CNBP: variants seen among roughly 807,000 people sequenced by gnomAD.
CNBP encodes CCHC-type zinc finger nucleic acid binding protein.
CNBP carries 6 observed loss-of-function variants against 21.2 expected under a neutral mutation model. The observed-to-expected ratio is 0.28, with a 90% CI of 0.16 to 0.56. The LOEUF (loss-of-function observed/expected upper bound fraction) is 0.56, where lower values mean the gene tolerates loss of function less well. Ranked by LOEUF, CNBP falls within the 20% of genes least tolerant of loss-of-function variation. The pLI is 0.93. For missense variants in CNBP, 112 were observed against 233.1 expected, an observed-to-expected ratio of 0.48 and a Z score of 3.38; for synonymous variants, 61 against 74.9, an observed-to-expected ratio of 0.81 and a Z score of 0.96.
At position 129,168,718 on chromosome 3, in the gene CNBP, T is replaced by C. The variant is rs544705169; in HGVS notation, c.*1735A>G. Among the ~76,000 whole-genome samples, 68 of 149,772 alleles carry C rather than the reference T, an allele frequency of 4.5e-4. No homozygotes were observed. Among genetic ancestry groups the C allele is most frequent in the Middle Eastern group, 3.5e-3 (1 of 282 alleles). On this transcript the variant is annotated 3_prime_UTR_variant, in exon 5 of 5. Transcript: ENST00000422453. ...GGCTCGCACCTGTAACACTAGCACT[T>C]TGGGGGGCGGGGCAGGTGGATCACC...
intron 1 of CNBP, among the ~76,000 whole-genome samples, chr3:129,179,519 C>T (rs1938146384): frequency 6.6e-6 from 1 of 152,126 alleles, no homozygotes. Flanking sequence ...GTAAACATAT[C>T]TATAATCTTA....
intron 1 of CNBP, among the ~76,000 whole-genome samples, chr3:129,176,345 C>T (rs1439794274): frequency 6.6e-6 from 1 of 152,216 alleles, no homozygotes; most frequent in Non-Finnish European, 1.5e-5. Context: ...CAGCCTGGAA[C>T]TACCCTCCCT....
At chr3:129,178,900 G>C (rs900132927) in intron 1 of CNBP, among the ~76,000 whole-genome samples, 1 of 151,924 alleles carries the variant, frequency 6.6e-6, no homozygotes, top group African/African-American at 2.4e-5. Flanking sequence ...CCACCACGAC[G>C]CCTGGCTACT....
intron 1 of CNBP, among the ~76,000 whole-genome samples, chr3:129,180,161 C>A (rs760041598): frequency 6.6e-6 from 1 of 151,062 alleles, no homozygotes; most frequent in African/African-American, 2.4e-5. Context: ...GGTATTACTA[C>A]TATATATCTA....
intron 1 of CNBP, among the ~76,000 whole-genome samples, chr3:129,179,566 T>C (rs1200514111): frequency 6.6e-6 from 1 of 152,122 alleles, no homozygotes; most frequent in Non-Finnish European, 1.5e-5. Context: ...TCCATTTTAA[T>C]GACAAACTAA....
At chr3:129,171,815 T>C (rs1937574436) in intron 1 of CNBP, 44 bp from the exon 2 acceptor site, 2 of 1,563,166 alleles carry the variant, frequency 1.3e-6, no homozygotes, top group African/African-American at 1.4e-5. Flanking sequence ...CTGAAAGTTC[T>C]TTTAACTTTT....
At chr3:129,172,660 A>AGGCAGCCAGG in intron 1 of CNBP, among the ~76,000 whole-genome samples, 1 of 113,772 alleles carries the variant, frequency 8.8e-6, no homozygotes, top group African/African-American at 3.4e-5. Flanking sequence ...AGGCAGGCAG[A>AGGCAGCCAGG]CAGACAGACA....
In CNBP at chr3:129,169,948, T is replaced by G. The variant is rs1034235205; in HGVS notation, c.*505A>C. 4.3e-6 allele frequency: 1 copy of G among 232,572 alleles called. No homozygotes were observed. Among genetic ancestry groups the G allele is most frequent in the African/African-American group, 2.2e-5 (1 of 45,230 alleles). 14.4% of individuals were successfully genotyped at this position (232,572 alleles called of 1,614,324 possible). On this transcript the variant is annotated 3_prime_UTR_variant, in exon 5 of 5. Transcript: ENST00000422453. ...TCTCTCGAACAGCCATTAACACGCA[T>G]GTTTATCTTTTTGTTTACTCCCACT...
intron 1 of CNBP, among the ~76,000 whole-genome samples, chr3:129,178,663 T>C (rs1449016992): frequency 2.0e-5 from 3 of 152,244 alleles, no homozygotes; most frequent in African/African-American, 7.2e-5. Flanking sequence ...ACTGGAGCTT[T>C]TGCCCTCTGA....
rs1398625074 is a variant in CNBP at position 129,171,424 on chromosome 3, AAAGG to A, written c.217+18_217+21del. On this transcript the variant is annotated intron_variant, in intron 3 of 4. Transcript: ENST00000422453. ...CTCTCCAAGCTCTAGAGGGGTATGA[AAAGG>A]AAGTGTTAAATACTTACCATCCTCC... 2 of 1,608,798 alleles carry A rather than the reference AAAGG, an allele frequency of 1.2e-6. No individual in the cohort carries two copies. The highest frequency in any genetic ancestry group is 1.7e-6 in the Non-Finnish European group (2 of 1,175,108).
chr3:129,183,883 A>G lies in CNBP; in HGVS notation c.-122T>C, dbSNP rs1367111382. 2 of 152,792 alleles carry G rather than the reference A, an allele frequency of 1.3e-5. No individual in the cohort carries two copies. Among genetic ancestry groups the G allele is most frequent in the Non-Finnish European group, 2.9e-5 (2 of 68,170 alleles). 9.5% of individuals were successfully genotyped at this position (152,792 alleles called of 1,614,324 possible). A position where few individuals can be genotyped will look rare whatever the true frequency, so the allele number is the denominator to read the frequency against. ...TTTTGAGGGTCCTTGCCTGCGCCAC[A>G]CGCGGGTCTGCACACGGCCCCACAT... On this transcript the variant is annotated 5_prime_UTR_variant, in exon 1 of 5. Coordinates refer to ENST00000422453, the MANE Select transcript of CNBP (RefSeq NM_003418.5).
intron 1 of CNBP, among the ~76,000 whole-genome samples, chr3:129,181,265 A>AAAAAAG (rs1938272054): frequency 7.8e-6 from 1 of 128,978 alleles, no homozygotes; most frequent in South Asian, 2.5e-4. Flanking sequence ...AAAAAAAAAA[A>AAAAAAG]AGACAAGTAG....
intron 1 of CNBP, among the ~76,000 whole-genome samples, chr3:129,182,797 A>T (rs1938393438): frequency 1.3e-5 from 2 of 152,146 alleles, no homozygotes; most frequent in Non-Finnish European, 2.9e-5. Flanking sequence ...AATGTAACAC[A>T]AGCAACTTAG....
intron 1 of CNBP, among the ~76,000 whole-genome samples, chr3:129,179,904 G>A (rs1175894985): frequency 1.3e-5 from 2 of 152,266 alleles, no homozygotes; most frequent in East Asian, 1.9e-4. Context: ...TACTCAGGAG[G>A]CTGAGGCAGG....
intron 1 of CNBP, among the ~76,000 whole-genome samples, chr3:129,174,363 A>AAC (rs1468544711): frequency 2.0e-5 from 3 of 148,044 alleles, no homozygotes; most frequent in Non-Finnish European, 4.5e-5. Flanking sequence ...AAAAAAAAAA[A>AAC]AAAAAAAAAA....
intron 1 of CNBP, 129 bp downstream of exon 1, chr3:129,183,647 G>A (rs1445561850): frequency 6.6e-6 from 1 of 152,524 alleles, no homozygotes; most frequent in Non-Finnish European, 1.5e-5. Context: ...CTTCCCGCCT[G>A]ACGCAGCAGA....
intron 1 of CNBP, among the ~76,000 whole-genome samples, chr3:129,181,859 C>T (rs1277462340): frequency 1.3e-5 from 2 of 151,902 alleles, no homozygotes; most frequent in Non-Finnish European, 2.9e-5. Flanking sequence ...TAATTCTGCC[C>T]TTGGGAATGT....
chr3:129,169,574 A>C lies in CNBP; in HGVS notation c.*879T>G. The stretch of plus-strand genomic sequence containing the variant: ...AAACAAACAAAAAGAACTTTAGTCA[A>C]ACTCCCCTTCCTCCTCCAGCTTTAT... On this transcript the variant is annotated 3_prime_UTR_variant, in exon 5 of 5. Transcript: ENST00000422453. 4.8e-6 allele frequency: 1 copy of C among 207,558 alleles called. No homozygotes were observed. 12.9% of individuals were successfully genotyped at this position (207,558 alleles called of 1,614,324 possible). A position where few individuals can be genotyped will look rare whatever the true frequency, so the allele number is the denominator to read the frequency against.
At chr3:129,178,710 G>T (rs1420487497) in intron 1 of CNBP, among the ~76,000 whole-genome samples, 1 of 151,874 alleles carries the variant, frequency 6.6e-6, no homozygotes, top group Non-Finnish European at 1.5e-5. Context: ...GCTCCGTTAA[G>T]TCAGTTTACT....
Sources: allele counts gnomAD v4.1 joint callset (sites outside exome capture counted in the v4.1 genomes callset), GRCh38; gene constraint gnomAD v4.1.1; transcripts MANE v1.5; gene names NCBI Gene and HGNC (gene_info 2026-07-23, HGNC 2026-07-21).